PAQR8: variants seen among roughly 807,000 people sequenced by gnomAD.
The protein encoded by PAQR8 is progestin and adipoQ receptor family member 8.
In PAQR8, 17 loss-of-function variants were observed where a neutral mutation model predicts 25.2. That is an observed-to-expected ratio of 0.67 (90% confidence interval 0.46 to 1.01). The LOEUF is 1.01. Ranked by LOEUF, PAQR8 falls within the 50% of genes least tolerant of loss-of-function variation. PAQR8 has a pLI of 0.00. For missense variants in PAQR8, 392 were observed against 448.4 expected (o/e 0.87, Z 1.14); for synonymous variants, 204 against 190.6 (o/e 1.07, Z -0.58).
chr6:52,382,787 C>A (rs1013149891), intron 1 of PAQR8, among the ~76,000 whole-genome samples: 1 of 152,046 alleles, frequency 6.6e-6, no homozygotes, highest in Non-Finnish European at 1.5e-5. Flanking sequence ...TAGGAAGCTA[C>A]GTTTCAGTTG....
At chr6:52,374,531 A>T (rs905146725) in intron 1 of PAQR8, among the ~76,000 whole-genome samples, 14 of 152,026 alleles carry the variant, frequency 9.2e-5, no homozygotes, top group African/African-American at 3.4e-4. Context: ...CTCTTGTTTC[A>T]GCCTTGTTAT....
chr6:52,387,965 T>C lies in PAQR8; in HGVS notation c.-52-15197T>C, dbSNP rs530530140. On this transcript the variant is annotated intron_variant, in intron 1 of 1. Coordinates refer to ENST00000442253, the MANE Select transcript of PAQR8 (RefSeq NM_133367.5). ...AATCTAATGCCTGATGATCTGTTAC[T>C]GTCTGCCATCACCCCAGATGGGACC... Among the ~76,000 whole-genome samples, 4 of 152,382 alleles carry C rather than the reference T, an allele frequency of 2.6e-5. No individual in the cohort carries two copies. The East Asian group carries it at 5.8e-4, about 22-fold the overall frequency.
At position 52,406,675 on chromosome 6, in the gene PAQR8, A is replaced by G. The variant is rs1763914120; in HGVS notation, c.*2397A>G. 2.0e-5 allele frequency: 8 copies of G among 404,368 alleles called. No individual in the cohort carries two copies. Among genetic ancestry groups the G allele is most frequent in the Non-Finnish European group, 3.6e-5 (8 of 225,162 alleles). 25.0% of individuals were successfully genotyped at this position (404,368 alleles called of 1,614,324 possible). A position where few individuals can be genotyped will look rare whatever the true frequency, so the allele number is the denominator to read the frequency against. ...CCTCCCCAGCTCAAGCAATCCTCCC[A>G]CCTCAGCCTCCTAAGTACCTGGTAC... On this transcript the variant is annotated 3_prime_UTR_variant, in exon 2 of 2. Coordinates refer to ENST00000442253, the MANE Select transcript of PAQR8 (RefSeq NM_133367.5).
intron 1 of PAQR8, among the ~76,000 whole-genome samples, chr6:52,390,641 A>G (rs1430557814): frequency 1.3e-5 from 2 of 152,210 alleles, no homozygotes; most frequent in East Asian, 3.8e-4. Context: ...GTCTTTTGAC[A>G]ATATTGTGTA....
At chr6:52,391,008 T>C (rs1284062513) in intron 1 of PAQR8, among the ~76,000 whole-genome samples, 1 of 152,244 alleles carries the variant, frequency 6.6e-6, no homozygotes, top group African/African-American at 2.4e-5. Flanking sequence ...ACGATAATGA[T>C]AGTATTTCCA....
chr6:52,376,351 T>G (rs1397693350), intron 1 of PAQR8, among the ~76,000 whole-genome samples: 1 of 152,172 alleles, frequency 6.6e-6, no homozygotes, highest in South Asian at 2.1e-4. Flanking sequence ...TGACAGAGGA[T>G]GCCAGGCTGC....
chr6:52,404,324 G>A lies in PAQR8; in HGVS notation c.*46G>A, dbSNP rs1168489768. ...TGTGGAGGAAGCCCCTCATAATTTG[G>A]AGAAAACTTGATACAATAGAAGCTG... On this transcript the variant is annotated 3_prime_UTR_variant, in exon 2 of 2. Coordinates refer to ENST00000442253, the MANE Select transcript of PAQR8 (RefSeq NM_133367.5). 6.9e-7 allele frequency: 1 copy of A among 1,453,594 alleles called. No homozygotes were observed. The highest frequency in any genetic ancestry group is 2.5e-5 in the Admixed American group (1 of 40,648). 90.0% of individuals were successfully genotyped at this position (1,453,594 alleles called of 1,614,324 possible). A position where few individuals can be genotyped will look rare whatever the true frequency, so the allele number is the denominator to read the frequency against.
intron 1 of PAQR8, among the ~76,000 whole-genome samples, chr6:52,368,059 A>G (rs1331130644): frequency 6.6e-6 from 1 of 152,118 alleles, no homozygotes; most frequent in Non-Finnish European, 1.5e-5. Context: ...GCAAGACCCC[A>G]TCTCTACAAA....
rs151296550 is a variant in PAQR8, at chr6:52,384,235, C to A, written c.-52-18927C>A. 3.8e-3 allele frequency among the ~76,000 whole-genome samples: 576 copies of A among 152,264 alleles called. 4 individuals are homozygous for A. Among genetic ancestry groups the A allele is most frequent in the African/African-American group, 0.013 (536 of 41,542 alleles). ...ATGTTTAAGGTGCTGATGGGGACAT[C>A]TACACATACGTAGTGAAGCCATGGC... On this transcript the variant is annotated intron_variant, in intron 1 of 1. Transcript: ENST00000442253.
intron 1 of PAQR8, among the ~76,000 whole-genome samples, chr6:52,367,521 C>G (rs1763367666): frequency 6.6e-6 from 1 of 152,218 alleles, no homozygotes; most frequent in African/African-American, 2.4e-5. Flanking sequence ...GTGCTTTAAA[C>G]AGACACAGCT....
intron 1 of PAQR8, among the ~76,000 whole-genome samples, chr6:52,401,914 T>C (rs1054357671): frequency 2.0e-5 from 3 of 152,368 alleles, no homozygotes; most frequent in Admixed American, 1.3e-4. Context: ...TACATTTTAA[T>C]ATCGAGAAAA....
intron 1 of PAQR8, among the ~76,000 whole-genome samples, chr6:52,379,777 C>G (rs1337785518): frequency 2.0e-5 from 3 of 152,166 alleles, no homozygotes; most frequent in African/African-American, 7.2e-5. Context: ...TAGGCGCCTG[C>G]TACCGCGCCC....
chr6:52,380,030 G>A (rs188041055), intron 1 of PAQR8, among the ~76,000 whole-genome samples: 266 of 152,306 alleles, frequency 1.7e-3, no homozygotes, highest in African/African-American at 6.2e-3. Context: ...CAAAGTGCTG[G>A]GATTACAGGC....
chr6:52,376,378 A>G (rs2113937763), intron 1 of PAQR8, among the ~76,000 whole-genome samples: 2 of 152,294 alleles, frequency 1.3e-5, no homozygotes, highest in Middle Eastern at 6.8e-3. Context: ...GGTGGTTAAG[A>G]TCAGACTGTG....
intron 1 of PAQR8, among the ~76,000 whole-genome samples, chr6:52,381,516 G>A (rs1425490185): frequency 6.6e-6 from 1 of 152,238 alleles, no homozygotes; most frequent in East Asian, 1.9e-4. Context: ...GCTGAGGTGG[G>A]AGAATAGCTT....
intron 1 of PAQR8, among the ~76,000 whole-genome samples, chr6:52,380,124 T>C (rs1226078469): frequency 6.6e-6 from 1 of 152,134 alleles, no homozygotes; most frequent in Non-Finnish European, 1.5e-5. Flanking sequence ...AGTAGTACTA[T>C]GGAAAACAAA....
rs191373832 is a variant in PAQR8 at position 52,384,685 on chromosome 6, C to T, written c.-52-18477C>T. Among the ~76,000 whole-genome samples, 7 of 152,194 alleles carry T rather than the reference C, an allele frequency of 4.6e-5. No homozygotes were observed. The East Asian group carries it at 1.2e-3, about 25-fold the overall frequency. On this transcript the variant is annotated intron_variant, in intron 1 of 1. Transcript: ENST00000442253. ...TACTATTCTGAAATTCATATGGAAA[C>T]AAAGAGCCTAAATAGTGAAAGCAAT...
chr6:52,376,540 A>C (rs1763486801), intron 1 of PAQR8, among the ~76,000 whole-genome samples: 1 of 152,210 alleles, frequency 6.6e-6, no homozygotes. Flanking sequence ...TGAATATTGG[A>C]TATGGGGTGA....
At chr6:52,387,662 G>A (rs1328262861) in intron 1 of PAQR8, among the ~76,000 whole-genome samples, 2 of 152,214 alleles carry the variant, frequency 1.3e-5, no homozygotes, top group Non-Finnish European at 1.5e-5. Flanking sequence ...CCTAATGTAA[G>A]GATATTAGGG....
Sources: gnomAD v4.1 joint callset for allele counts (sites outside exome capture counted in the v4.1 genomes callset) on GRCh38, gnomAD v4.1.1 for gene constraint, MANE v1.5 for transcripts, NCBI Gene and HGNC (gene_info 2026-07-23, HGNC 2026-07-21) for gene names.